The following GCFC2 variants were observed in gnomAD, a reference collection of about 807,000 sequenced individuals.
GCFC2 encodes the protein GC-rich sequence DNA-binding factor 2, also known as intron Large complex component GCFC2.
In GCFC2, 102 loss-of-function variants were observed where a neutral mutation model predicts 99.4. The observed-to-expected ratio is 1.03, with a 90% confidence interval of 0.87 to 1.21. The LOEUF is 1.21. Among genes scored for constraint, GCFC2 ranks in the 50% most tolerant of loss-of-function variants. The pLI is 0.00. For synonymous variants in GCFC2, 338 were observed against 316.8 expected (o/e 1.07, Z -0.71); for missense variants, 973 against 920.9 (o/e 1.06, Z -0.73).
chr2:75,690,048 C>T lies in GCFC2; in HGVS notation c.1260G>A (p.Gly420=), dbSNP rs1679993837. Residue 420 remains glycine (G), a synonymous_variant, in exon 9 of 17, where the codon GGG becomes GGA. Coordinates refer to ENST00000321027, the MANE Select transcript of GCFC2 (RefSeq NM_003203.5). ...ATGTTCCTTCCTGATGGTTACAATT[C>T]CCAGAAAGCACCCTTGCTTGTCTTC... The part of the protein sequence containing the change: ...TKRRQARVLS[G]NCNHQEGTSS... 5.0e-6 allele frequency: 8 copies of T among 1,607,242 alleles called. No homozygotes were observed. In the East Asian group the frequency reaches 1.1e-4, roughly 23 times the overall value.
chr2:75,692,165 A>C, intron 6 of GCFC2, 65 bp from the exon 7 acceptor site: 1 of 469,490 alleles, frequency 2.1e-6, no homozygotes, highest in Non-Finnish European at 3.4e-6. Context: ...ATATATATAT[A>C]TATATAAAAG....
intron 16 of GCFC2, among the ~76,000 whole-genome samples, chr2:75,665,436 G>A (rs887003166): frequency 2.6e-5 from 4 of 152,082 alleles, no homozygotes; most frequent in East Asian, 1.9e-4. Context: ...TTACAGGCGT[G>A]AGCCACCATG....
At position 75,710,633 on chromosome 2, in the gene GCFC2, G is replaced by A. The variant is rs1681112057; in HGVS notation, c.223C>T (p.Arg75Trp). The A allele has an allele frequency of 5.3e-6, 8 of 1,516,604 alleles. No individual in the cohort carries two copies. Among genetic ancestry groups the A allele is most frequent in the Non-Finnish European group, 7.0e-6 (8 of 1,139,194 alleles). The allele number at this position is 1,516,604 out of a possible 1,614,324, so 93.9% of individuals were successfully genotyped here. Reference protein sequence around the residue: ...RGRGRVWASSRRATKAAPRAD... With the variant: ...RGRGRVWASSWRATKAAPRAD... The stretch of plus-strand genomic sequence containing the variant: ...CGGGGAGCCGCTTTGGTGGCACGCC[G>A]GGAGCTCGCCCAGACCCGGCCCCGG... The change falls in exon 1 of 17, where the codon CGG (arginine) becomes TGG (tryptophan). Residue 75 changes from arginine (R) to tryptophan (W), a missense_variant. Arg to Trp is a moderately radical substitution (Grantham distance 101). Transcript: ENST00000321027.
chr2:75,665,147 T>G (rs1678779113), intron 16 of GCFC2, among the ~76,000 whole-genome samples: 1 of 151,794 alleles, frequency 6.6e-6, no homozygotes, highest in African/African-American at 2.4e-5. Context: ...ATAATACAAA[T>G]CTGATTTTTT....
At position 75,666,067 on chromosome 2, in the gene GCFC2, C is replaced by T; in HGVS notation, c.2104-14G>A. 1 of 1,592,806 alleles carries T rather than the reference C, an allele frequency of 6.3e-7. No individual in the cohort carries two copies. The highest frequency in any genetic ancestry group is 8.6e-7 in the Non-Finnish European group (1 of 1,168,690). On this transcript the variant is annotated splice_polypyrimidine_tract_variant and intron_variant, in intron 15 of 16. Transcript: ENST00000321027. ...ACATGCTGCTACCTGTTAATCAAAA[C>T]ACATGGCTGGTTTACAATGACAGTT...
chr2:75,712,749 C>A (rs991074931), upstream of GCFC2, among the ~76,000 whole-genome samples: 63 of 152,052 alleles, frequency 4.1e-4, no homozygotes, highest in Middle Eastern at 3.2e-3. Context: ...GAAGAAACTC[C>A]AAACACATCT....
At chr2:75,682,351 G>A (rs866645698) in intron 11 of GCFC2, among the ~76,000 whole-genome samples, 1 of 151,870 alleles carries the variant, frequency 6.6e-6, no homozygotes, top group African/African-American at 2.4e-5. Flanking sequence ...TACAGCTGAG[G>A]GGCCTGACTG....
intron 2 of GCFC2, among the ~76,000 whole-genome samples, chr2:75,705,471 A>G (rs1242556414): frequency 6.6e-6 from 1 of 151,706 alleles, no homozygotes; most frequent in African/African-American, 2.4e-5. Context: ...AAAATACAAA[A>G]AATTAGCCAG....
In GCFC2 at chr2:75,689,058, G is replaced by C. The variant is rs367659517; in HGVS notation, c.1507C>G (p.Arg503Gly). The change falls in exon 10 of 17, where the codon CGA becomes GGA. Residue 503 changes from arginine (R) to glycine (G), a missense_variant. Transcript: ENST00000321027. The part of the protein sequence containing the change: ...CIPKLLNPLI[R>G]VQLIDWNPLK... ...GGATTCCAATCAATCAACTGAACTC[G>C]TATTAGGGGATTTAAAAGCTTTGGT... is the stretch of plus-strand genomic sequence containing the variant. 2 of 1,587,908 alleles carry C rather than the reference G, an allele frequency of 1.3e-6. No homozygotes were observed. Among genetic ancestry groups the C allele is most frequent in the African/African-American group, 2.7e-5 (2 of 74,140 alleles).
intron 14 of GCFC2, among the ~76,000 whole-genome samples, chr2:75,671,423 C>T (rs1679085316): frequency 1.3e-5 from 2 of 152,224 alleles, no homozygotes; most frequent in Non-Finnish European, 1.5e-5. Flanking sequence ...ATTTGTCCCA[C>T]ATATATCTTC....
At chr2:75,690,102 A>C in intron 8 of GCFC2, 21 bp from the exon 9 acceptor site, 1 of 1,382,038 alleles carries the variant, frequency 7.2e-7, no homozygotes, top group Non-Finnish European at 1.0e-6. Context: ...CAACAAACCA[A>C]AAATAAACAA....
rs113840781 is a variant in GCFC2, at chr2:75,709,941, T to G, written c.265+650A>C. 2.5e-3 allele frequency among the ~76,000 whole-genome samples: 385 copies of G among 152,316 alleles called. 3 individuals carry two copies. The highest frequency in any genetic ancestry group is 8.8e-3 in the African/African-American group (366 of 41,576). ...ACAATTCCAACTCAGAGCAGCACAT[T>G]TTATTTAAACAACTTTATGCTGCCT... is the stretch of plus-strand genomic sequence containing the variant. On this transcript the variant is annotated intron_variant, in intron 1 of 16. Coordinates refer to ENST00000321027, the MANE Select transcript of GCFC2 (RefSeq NM_003203.5).
chr2:75,675,519 G>C (rs112626406), intron 12 of GCFC2, among the ~76,000 whole-genome samples: 6 of 151,996 alleles, frequency 3.9e-5, no homozygotes, highest in Admixed American at 3.9e-4. Flanking sequence ...GAGGTGGGTG[G>C]GTCACTTGAG....
In GCFC2 at chr2:75,687,355, C is replaced by T. The variant is rs150316093; in HGVS notation, c.1690+472G>A. Among the ~76,000 whole-genome samples the T allele has an allele frequency of 2.5e-3, 378 of 152,010 alleles. 2 individuals carry two copies. The highest frequency in any genetic ancestry group is 8.5e-3 in the African/African-American group (354 of 41,484). On this transcript the variant is annotated intron_variant, in intron 11 of 16. Coordinates refer to ENST00000321027, the MANE Select transcript of GCFC2 (RefSeq NM_003203.5). ...AATGACTGAAGTGCCATAAAAGCAG[C>T]GGGAATGCCACAAACACTAAACTGA...
At chr2:75,687,098 C>G (rs1679852432) in intron 11 of GCFC2, among the ~76,000 whole-genome samples, 1 of 152,076 alleles carries the variant, frequency 6.6e-6, no homozygotes, top group South Asian at 2.1e-4. Context: ...CCACACCCAG[C>G]TAGTTTTTTG....
chr2:75,693,486 G>A (rs1296615249), intron 6 of GCFC2, among the ~76,000 whole-genome samples: 2 of 152,114 alleles, frequency 1.3e-5, no homozygotes, highest in East Asian at 1.9e-4. Context: ...AATGTGGAAA[G>A]TAGAGAATAA....
At chr2:75,706,137 T>C (rs1007639853) in intron 2 of GCFC2, among the ~76,000 whole-genome samples, 1 of 152,188 alleles carries the variant, frequency 6.6e-6, no homozygotes, top group African/African-American at 2.4e-5. Context: ...CCAAATACTT[T>C]CAGCCAGAGC....
At chr2:75,695,633 G>T (rs1680278056) in intron 5 of GCFC2, among the ~76,000 whole-genome samples, 1 of 152,078 alleles carries the variant, frequency 6.6e-6, no homozygotes, top group Non-Finnish European at 1.5e-5. Context: ...TATATATGCT[G>T]TTTTTTCCCT....
At chr2:75,700,535 G>T (rs1680539961) in intron 4 of GCFC2, among the ~76,000 whole-genome samples, 1 of 152,100 alleles carries the variant, frequency 6.6e-6, no homozygotes, top group Admixed American at 6.6e-5. Flanking sequence ...AGTCTCCAAA[G>T]AGAAAATTGG....
Sources: gnomAD v4.1 joint callset for allele counts (sites outside exome capture counted in the v4.1 genomes callset) on GRCh38, gnomAD v4.1.1 for gene constraint, MANE v1.5 for transcripts, NCBI Gene and HGNC (gene_info 2026-07-23, HGNC 2026-07-21) for gene names.